Variants in TMEM50B observed in about 807,000 individuals in gnomAD.
The protein encoded by TMEM50B is HCV p7-trans-regulated protein 3.
A neutral mutation model predicts 23.4 loss-of-function variants in TMEM50B; 14 were observed. The observed-to-expected ratio is 0.60, with a 90% CI of 0.39 to 0.93. TMEM50B has a LOEUF of 0.93. Among genes scored for constraint, TMEM50B ranks in the 40% least tolerant of loss-of-function variants. The probability of loss-of-function intolerance (pLI) is 0.00; values close to 1 mark genes in which losing one functional copy is unlikely to be tolerated. For synonymous variants in TMEM50B, 64 were observed against 62.3 expected, an observed-to-expected ratio of 1.03 and a Z score of -0.13; for missense variants, 159 against 193.0, an observed-to-expected ratio of 0.82 and a Z score of 1.04.
chr21:33,473,489 A>C (rs1739768662), intron 1 of TMEM50B, among the ~76,000 whole-genome samples: 2 of 151,490 alleles, frequency 1.3e-5, no homozygotes, highest in Non-Finnish European at 2.9e-5. Flanking sequence ...CTCAATCCCA[A>C]ATTCTATACC....
chr21:33,453,076 TA>T (rs2084136938), intron 6 of TMEM50B, among the ~76,000 whole-genome samples: 1 of 152,142 alleles, frequency 6.6e-6, no homozygotes, highest in Non-Finnish European at 1.5e-5. Flanking sequence ...AAAGTGACAA[TA>T]GAGAGATTAA....
At chr21:33,475,940 C>A (rs765310761) in intron 1 of TMEM50B, among the ~76,000 whole-genome samples, 10 of 150,816 alleles carry the variant, frequency 6.6e-5, no homozygotes, top group Non-Finnish European at 1.3e-4. Context: ...GGCAGCAGAG[C>A]CCCCTCTAAT....
intron 6 of TMEM50B, among the ~76,000 whole-genome samples, chr21:33,452,441 G>A (rs1160677046): frequency 2.6e-5 from 4 of 152,128 alleles, no homozygotes; most frequent in Non-Finnish European, 5.9e-5. Context: ...AACTACCCAA[G>A]GGAAGGAAAG....
downstream of TMEM50B, among the ~76,000 whole-genome samples, chr21:33,445,652 G>A (rs1048137887): frequency 5.3e-5 from 8 of 152,166 alleles, no homozygotes; most frequent in African/African-American, 1.9e-4. Context: ...AAAACAATTA[G>A]CCAGGCGTGG....
At chr21:33,443,041 G>A (rs192724957) in intron 7 of TMEM50B, among the ~76,000 whole-genome samples, 184 of 152,162 alleles carry the variant, frequency 1.2e-3, no homozygotes, top group Middle Eastern at 6.8e-3. Context: ...AATTCAACTC[G>A]TTTCATTTCT....
Position 33,436,189 on chromosome 21 carries a change from C to T in TMEM50B, c.*2120+3025G>A, listed in dbSNP as rs566588575. Among the ~76,000 whole-genome samples the T allele has an allele frequency of 1.1e-4, 16 of 149,224 alleles. 1 individual carries two copies. In the South Asian group the frequency reaches 3.2e-3, roughly 30 times the overall value. ...CTGACCAACATGGGAAACCCCGTCT[C>T]TACTTAAAATACAAAATTAGCAGGG... is the stretch of plus-strand genomic sequence containing the variant. On this transcript the variant is annotated intron_variant and NMD_transcript_variant, in intron 8 of 8. Transcript: ENST00000420455.
intron 1 of TMEM50B, among the ~76,000 whole-genome samples, chr21:33,469,275 C>T (rs1039534796): frequency 6.6e-6 from 1 of 152,066 alleles, no homozygotes; most frequent in Non-Finnish European, 1.5e-5. Flanking sequence ...TATTATGAAA[C>T]CTTGTCTCTA....
intron 6 of TMEM50B, among the ~76,000 whole-genome samples, chr21:33,452,973 TAG>T (rs2123420193): frequency 6.6e-6 from 1 of 152,266 alleles, no homozygotes; most frequent in East Asian, 1.9e-4. Flanking sequence ...ATCAAGCTTC[TAG>T]AGAGAGAAAA....
intron 5 of TMEM50B, among the ~76,000 whole-genome samples, chr21:33,458,950 T>C (rs1268309617): frequency 6.6e-6 from 1 of 152,160 alleles, no homozygotes; most frequent in Non-Finnish European, 1.5e-5. Context: ...ACAAAAGTAT[T>C]CCAAAGATCT....
At chr21:33,464,419 C>G (rs1215126970) in intron 4 of TMEM50B, among the ~76,000 whole-genome samples, 1 of 149,764 alleles carries the variant, frequency 6.7e-6, no homozygotes, top group African/African-American at 2.4e-5. Context: ...GGGCTGGTCT[C>G]GAACTCCTGA....
Position 33,464,804 on chromosome 21 carries a change from C to CAA in TMEM50B, c.280+536_280+537dup, listed in dbSNP as rs59855166. Among the ~76,000 whole-genome samples, 59 of 100,862 alleles carry CAA rather than the reference C, an allele frequency of 5.8e-4. 1 individual carries two copies. Among genetic ancestry groups the CAA allele is most frequent in the East Asian group, 1.1e-3 (4 of 3,730 alleles). 66.2% of individuals were successfully genotyped at this position (100,862 alleles called of 152,430 possible). On this transcript the variant is annotated intron_variant, in intron 4 of 6. Coordinates refer to ENST00000542230, the MANE Select transcript of TMEM50B (RefSeq NM_006134.7). ...GGGAAAGAAGAGCTAAACTCCGTCT[C>CAA]AAAAAAAAAAAAAAAAAAAACAAAA...
At chr21:33,476,150 T>C (rs1601137981) in intron 1 of TMEM50B, among the ~76,000 whole-genome samples, 7 of 152,152 alleles carry the variant, frequency 4.6e-5, no homozygotes, top group Admixed American at 4.6e-4. Flanking sequence ...ACCCAAGACT[T>C]TGGGAGGCCT....
intron 7 of TMEM50B, among the ~76,000 whole-genome samples, chr21:33,441,588 T>G (rs950539005): frequency 2.0e-5 from 3 of 152,016 alleles, no homozygotes; most frequent in African/African-American, 7.2e-5. Context: ...GTGAAGGGCT[T>G]TGTGCAAGGT....
At chr21:33,469,876 C>CTA (rs2084297176) in intron 1 of TMEM50B, among the ~76,000 whole-genome samples, 1 of 152,170 alleles carries the variant, frequency 6.6e-6, no homozygotes. Flanking sequence ...ATCATCCTGG[C>CTA]TATGCCCCTT....
chr21:33,460,954 A>G (rs954642822), intron 4 of TMEM50B, among the ~76,000 whole-genome samples: 1 of 152,230 alleles, frequency 6.6e-6, no homozygotes, highest in South Asian at 2.1e-4. Context: ...GCCATTCTTT[A>G]GGAGTATATT....
At position 33,450,789 on chromosome 21, in the gene TMEM50B, A is replaced by G; in HGVS notation, c.*29T>C. 6.2e-7 allele frequency: 1 copy of G among 1,600,694 alleles called. No homozygotes were observed. The highest frequency in any genetic ancestry group is 8.5e-7 in the Non-Finnish European group (1 of 1,171,992). On this transcript the variant is annotated 3_prime_UTR_variant, in exon 7 of 7. Coordinates refer to ENST00000542230, the MANE Select transcript of TMEM50B (RefSeq NM_006134.7). Reference sequence around the variant, plus strand: ...AACCTATCTACAAACAGAATATAACAAAAGGAAAATGTGACTTAAGAAGTG... The same window carrying G: ...AACCTATCTACAAACAGAATATAACGAAAGGAAAATGTGACTTAAGAAGTG...
chr21:33,432,586 G>T, exon 9 of TMEM50B: 1 of 1,039,530 alleles, frequency 9.6e-7, no homozygotes, highest in Non-Finnish European at 1.5e-6. Flanking sequence ...GGTGAGGGTG[G>T]GGGGTAGAGG....
intron 7 of TMEM50B, among the ~76,000 whole-genome samples, chr21:33,443,492 G>A (rs1381465341): frequency 1.3e-5 from 2 of 150,354 alleles, no homozygotes; most frequent in African/African-American, 2.4e-5. Context: ...GTCCTGATAC[G>A]TAAGCCACTC....
chr21:33,470,424 CAAAAAAAAAAAAA>C (rs71194848), intron 1 of TMEM50B, among the ~76,000 whole-genome samples: 23 of 65,966 alleles, frequency 3.5e-4, no homozygotes, highest in African/African-American at 1.3e-3. Flanking sequence ...GACTGTGTCT[CAAAAAAAAAAAAA>C]AAAAAAAAAA....
Sources: gnomAD v4.1 joint callset for allele counts (sites outside exome capture counted in the v4.1 genomes callset) on GRCh38, gnomAD v4.1.1 for gene constraint, MANE v1.5 for transcripts, NCBI Gene and HGNC (gene_info 2026-07-23, HGNC 2026-07-21) for gene names.